The following ESRRG variants were observed in gnomAD, a reference collection of about 807,000 sequenced individuals.
ESRRG encodes estrogen-related receptor gamma.
A neutral mutation model predicts 44.0 loss-of-function variants in ESRRG; 13 were observed. The observed-to-expected ratio is 0.30, with a 90% CI of 0.19 to 0.47. The LOEUF (loss-of-function observed/expected upper bound fraction) is 0.47. Among genes scored for constraint, ESRRG ranks in the 20% least tolerant of loss-of-function variants. The pLI is 1.00. For synonymous variants in ESRRG, 215 were observed against 214.6 expected (o/e 1.00, Z -0.02); for missense variants, 395 against 580.6 (o/e 0.68, Z 3.29).
chr1:217,119,024 T>C lies in ESRRG; in HGVS notation c.-230+18643A>G, dbSNP rs999759129. Among the ~76,000 whole-genome samples, 64 of 151,004 alleles carry C rather than the reference T, an allele frequency of 4.2e-4. No individual in the cohort carries two copies. In the East Asian group the frequency reaches 0.011, roughly 26 times the overall value. ...CTAGATGGATAGATAGATAGATAGATAGATAGATAGATAGATAGATAGATA... is the reference window on the plus strand; with the variant it reads ...CTAGATGGATAGATAGATAGATAGACAGATAGATAGATAGATAGATAGATA... On this transcript the variant is annotated intron_variant, in intron 1 of 8. Transcript: ENST00000366940.
intron 3 of ESRRG, among the ~76,000 whole-genome samples, chr1:216,601,011 C>T (rs1466391785): frequency 6.6e-6 from 1 of 152,206 alleles, no homozygotes; most frequent in Non-Finnish European, 1.5e-5. Flanking sequence ...CGTTCCTCCC[C>T]GGTTCTCTGC....
intron 2 of ESRRG, among the ~76,000 whole-genome samples, chr1:216,770,038 G>C (rs776236831): frequency 7.2e-5 from 11 of 151,982 alleles, no homozygotes; most frequent in Non-Finnish European, 1.6e-4. Context: ...AATTAGGGTA[G>C]GGCAAAAAGA....
intron 2 of ESRRG, among the ~76,000 whole-genome samples, chr1:216,784,955 T>C (rs1576526097): frequency 6.6e-6 from 1 of 152,122 alleles, no homozygotes; most frequent in South Asian, 2.1e-4. Context: ...CTTGGATTCC[T>C]GTGAACAAGG....
chr1:217,018,212 T>A (rs1160478065), intron 1 of ESRRG, among the ~76,000 whole-genome samples: 3 of 146,756 alleles, frequency 2.0e-5, no homozygotes. Flanking sequence ...ATACCTCAAC[T>A]GTTTTTTTTA....
At chr1:216,895,787 G>T (rs2058350259) in intron 2 of ESRRG, among the ~76,000 whole-genome samples, 1 of 152,080 alleles carries the variant, frequency 6.6e-6, no homozygotes, top group African/African-American at 2.4e-5. Context: ...CTTATCTTGT[G>T]CCTGTTTTTA....
chr1:216,910,422 G>A (rs1578017470), intron 2 of ESRRG, among the ~76,000 whole-genome samples: 1 of 152,130 alleles, frequency 6.6e-6, no homozygotes, highest in African/African-American at 2.4e-5. Context: ...AAAGTGTTCA[G>A]TCCTTTCCAT....
chr1:217,119,603 T>C (rs1476036926), intron 1 of ESRRG, among the ~76,000 whole-genome samples: 1 of 152,232 alleles, frequency 6.6e-6, no homozygotes, highest in Non-Finnish European at 1.5e-5. Flanking sequence ...GCATAGTTTG[T>C]TTTTCTAGCA....
chr1:216,916,832 G>GCCTT (rs2061227270), intron 2 of ESRRG, among the ~76,000 whole-genome samples: 1 of 81,760 alleles, frequency 1.2e-5, no homozygotes, highest in Non-Finnish European at 2.3e-5. Flanking sequence ...CTCAGCTTTG[G>GCCTT]TCTTTTTTTT....
At chr1:217,002,044 G>A (rs1270259101) in intron 1 of ESRRG, among the ~76,000 whole-genome samples, 1 of 151,914 alleles carries the variant, frequency 6.6e-6, no homozygotes, top group East Asian at 1.9e-4. Flanking sequence ...GCTCACACCT[G>A]TAATCCCAGC....
At position 216,504,765 on chromosome 1, in the gene ESRRG, T is replaced by C. The variant is rs1471145215; in HGVS notation, c.*2174A>G. 1 of 152,650 alleles carries C rather than the reference T, an allele frequency of 6.6e-6. No individual in the cohort carries two copies. The highest frequency in any genetic ancestry group is 1.5e-5 in the Non-Finnish European group (1 of 68,022). 9.5% of individuals were successfully genotyped at this position (152,650 alleles called of 1,614,324 possible). On this transcript the variant is annotated 3_prime_UTR_variant, in exon 7 of 7. Transcript: ENST00000408911. ...TTCTAAGCTATACATTGGTATTCTATAATAAACCATTAGAGAAATTATTCC... is the reference window on the plus strand; with the variant it reads ...TTCTAAGCTATACATTGGTATTCTACAATAAACCATTAGAGAAATTATTCC...
chr1:216,983,686 A>ATG (rs6143621), intron 1 of ESRRG, among the ~76,000 whole-genome samples: 107 of 149,468 alleles, frequency 7.2e-4, no homozygotes, highest in East Asian at 2.2e-3. Context: ...GTGCATGTGC[A>ATG]TGTGTGTGTG....
intron 3 of ESRRG, among the ~76,000 whole-genome samples, chr1:216,638,800 T>C (rs1442618822): frequency 1.3e-5 from 2 of 152,162 alleles, no homozygotes; most frequent in Non-Finnish European, 2.9e-5. Flanking sequence ...AGTTTGGAGA[T>C]AGACTTACAA....
intron 2 of ESRRG, among the ~76,000 whole-genome samples, chr1:216,876,892 A>G (rs1156538559): frequency 4.6e-5 from 7 of 152,112 alleles, no homozygotes; most frequent in Admixed American, 3.9e-4. Flanking sequence ...AAACAAATGC[A>G]TAGTGTCAAA....
chr1:216,921,462 G>A (rs1283581199), intron 2 of ESRRG, among the ~76,000 whole-genome samples: 1 of 152,128 alleles, frequency 6.6e-6, no homozygotes, highest in African/African-American at 2.4e-5. Context: ...TCCTGACAAT[G>A]GACTGCGAAC....
At chr1:217,094,311 T>C (rs1015642162), upstream of ESRRG, among the ~76,000 whole-genome samples, 1 of 152,242 alleles carries the variant, frequency 6.6e-6, no homozygotes, top group Non-Finnish European at 1.5e-5. Flanking sequence ...TAGACCTAAT[T>C]TGATATGAAT....
intron 1 of ESRRG, among the ~76,000 whole-genome samples, chr1:216,689,413 C>T (rs2078648143): frequency 1.3e-5 from 2 of 152,090 alleles, no homozygotes; most frequent in Admixed American, 1.3e-4. Flanking sequence ...CATTCCCTTA[C>T]TTTCAGAAAT....
chr1:217,047,736 A>C (rs1424964185), intron 1 of ESRRG, among the ~76,000 whole-genome samples: 1 of 152,160 alleles, frequency 6.6e-6, no homozygotes, highest in South Asian at 2.1e-4. Flanking sequence ...TTGAGTCTCA[A>C]AGCTGACTTG....
At chr1:216,954,532 C>A (rs1207962092) in intron 1 of ESRRG, among the ~76,000 whole-genome samples, 2 of 152,056 alleles carry the variant, frequency 1.3e-5, no homozygotes, top group Non-Finnish European at 2.9e-5. Flanking sequence ...CAATATAACG[C>A]ACTAAAGGCT....
intron 2 of ESRRG, among the ~76,000 whole-genome samples, chr1:216,829,291 G>A (rs2095447161): frequency 6.6e-6 from 1 of 151,990 alleles, no homozygotes; most frequent in South Asian, 2.1e-4. Context: ...GGACAAGAGG[G>A]GTGAGGCAAT....
Sources: allele counts gnomAD v4.1 joint callset (sites outside exome capture counted in the v4.1 genomes callset), GRCh38; gene constraint gnomAD v4.1.1; transcripts MANE v1.5; gene names NCBI Gene and HGNC (gene_info 2026-07-23, HGNC 2026-07-21).